The following DPH6 variants were observed in gnomAD, a reference collection of about 807,000 sequenced individuals.
The protein encoded by DPH6 is diphthamine biosynthesis 6.
DPH6 carries 33 observed loss-of-function variants against 38.2 expected under a neutral mutation model. The ratio of observed to expected loss-of-function variants is 0.86; its 90% CI spans 0.65 to 1.15. The LOEUF is 1.15. Ranked by LOEUF, DPH6 falls within the 50% of genes most tolerant of loss-of-function variation. DPH6 has a pLI of 0.00. For synonymous variants in DPH6, 108 were observed against 103.0 expected, an observed-to-expected ratio of 1.05 and a Z score of -0.30; for missense variants, 325 against 320.0, an observed-to-expected ratio of 1.02 and a Z score of -0.12.
chr15:35,338,150 G>A (rs904190156), intron 3 of DPH6, among the ~76,000 whole-genome samples: 2 of 152,126 alleles, frequency 1.3e-5, no homozygotes, highest in African/African-American at 2.4e-5. Flanking sequence ...AACACCAAAA[G>A]CAATGGCAAC....
In DPH6 at chr15:35,415,210, C is replaced by T. The variant is rs531921539; in HGVS notation, c.506-4314G>A. 7.9e-4 allele frequency among the ~76,000 whole-genome samples: 120 copies of T among 152,082 alleles called. No homozygotes were observed. In the Middle Eastern group the frequency reaches 0.01, roughly 13 times the overall value. On this transcript the variant is annotated intron_variant, in intron 5 of 8. Coordinates refer to ENST00000256538, the MANE Select transcript of DPH6 (RefSeq NM_080650.4). Reference sequence around the variant, plus strand: ...AATCCAAAGCATGAATATACAAGGTCAGCATGGCTGGAAGTCACTTTTTAG... The same window carrying T: ...AATCCAAAGCATGAATATACAAGGTTAGCATGGCTGGAAGTCACTTTTTAG...
downstream of DPH6, among the ~76,000 whole-genome samples, chr15:35,366,331 C>A (rs71466812): frequency 6.6e-6 from 1 of 151,000 alleles, no homozygotes; most frequent in Non-Finnish European, 1.5e-5. Flanking sequence ...GATTTCAATC[C>A]CCCATTGTGA....
chr15:35,466,203 A>C (rs1312167521), intron 3 of DPH6, among the ~76,000 whole-genome samples: 1 of 152,278 alleles, frequency 6.6e-6, no homozygotes, highest in African/African-American at 2.4e-5. Context: ...TCTCAAAAAA[A>C]TTAAAATTAA....
At chr15:35,399,166 A>G (rs1162432881) in intron 6 of DPH6, among the ~76,000 whole-genome samples, 1 of 152,162 alleles carries the variant, frequency 6.6e-6, no homozygotes, top group Non-Finnish European at 1.5e-5. Context: ...TATGCATGGG[A>G]GAAGAAAATC....
chr15:35,481,507 T>G (rs1256836676), intron 3 of DPH6, among the ~76,000 whole-genome samples: 1 of 152,098 alleles, frequency 6.6e-6, no homozygotes, highest in African/African-American at 2.4e-5. Context: ...AACAAAACAA[T>G]GTGAGATATC....
intron 3 of DPH6, among the ~76,000 whole-genome samples, chr15:35,529,401 AC>A (rs2055053675): frequency 6.6e-6 from 1 of 152,086 alleles, no homozygotes; most frequent in African/African-American, 2.4e-5. Context: ...GGGGAAGCCC[AC>A]CCCATGATTT....
chr15:35,440,444 A>T (rs1378035027), intron 5 of DPH6, among the ~76,000 whole-genome samples: 1 of 152,178 alleles, frequency 6.6e-6, no homozygotes, highest in East Asian at 1.9e-4. Flanking sequence ...ATCGAACTCC[A>T]AACAGTCATG....
chr15:35,324,393 C>T (rs969618025), intron 3 of DPH6, among the ~76,000 whole-genome samples: 1 of 151,990 alleles, frequency 6.6e-6, no homozygotes, highest in African/African-American at 2.4e-5. Flanking sequence ...TTCTTAAACT[C>T]AACAAAAATA....
the DPH6 span, among the ~76,000 whole-genome samples, chr15:35,189,503 C>A: frequency 6.6e-6 from 1 of 152,158 alleles, no homozygotes; most frequent in Non-Finnish European, 1.5e-5. Context: ...TGATTTAAGA[C>A]CCTGGAAAAT....
chr15:35,413,014 CAACA>C (rs1457653046), intron 5 of DPH6, among the ~76,000 whole-genome samples: 1 of 133,784 alleles, frequency 7.5e-6, no homozygotes, highest in Non-Finnish European at 1.7e-5. Flanking sequence ...ATTGTAAGTT[CAACA>C]ATTTTAACAA....
chr15:35,245,435 T>G (rs1009392254), intron 3 of DPH6, among the ~76,000 whole-genome samples: 4 of 152,134 alleles, frequency 2.6e-5, no homozygotes, highest in Non-Finnish European at 5.9e-5. Context: ...AGATGGGGTT[T>G]CACTGTGTTA....
chr15:35,436,642 G>A (rs904614133), intron 5 of DPH6, among the ~76,000 whole-genome samples: 3 of 151,748 alleles, frequency 2.0e-5, no homozygotes, highest in African/African-American at 4.8e-5. Context: ...GAGGTTTCTT[G>A]CTCAGGCACC....
At chr15:35,178,387 T>G in the DPH6 span, among the ~76,000 whole-genome samples, 5 of 152,176 alleles carry the variant, frequency 3.3e-5, no homozygotes, top group Non-Finnish European at 5.9e-5. Flanking sequence ...AGCAAAGTCA[T>G]GTCTTACATG....
Position 35,371,886 on chromosome 15 carries a change from T to G in DPH6, c.*264A>C. On this transcript the variant is annotated 3_prime_UTR_variant, in exon 9 of 9. Transcript: ENST00000256538. Reference sequence around the variant, plus strand: ...ACAGAAATGGGGTTTATAGATGAAATAAAAGAAAAAAAAGGTCATAGGGAA... The same window carrying G: ...ACAGAAATGGGGTTTATAGATGAAAGAAAAGAAAAAAAAGGTCATAGGGAA... 1 of 1,120,862 alleles carries G rather than the reference T, an allele frequency of 8.9e-7. No individual in the cohort carries two copies. The highest frequency in any genetic ancestry group is 1.1e-6 in the Non-Finnish European group (1 of 913,636). The allele number at this position is 1,120,862 out of a possible 1,614,324, so 69.4% of individuals were successfully genotyped here.
Position 35,453,660 on chromosome 15 carries a change from C to T in DPH6, c.386+1087G>A, listed in dbSNP as rs140396732. Reference sequence around the variant, plus strand: ...CATCCATCGTCCAGAGATTCTGATACACCTCTAAAATGTAAGATCATATTT... The same window carrying T: ...CATCCATCGTCCAGAGATTCTGATATACCTCTAAAATGTAAGATCATATTT... On this transcript the variant is annotated intron_variant, in intron 4 of 8. Coordinates refer to ENST00000256538, the MANE Select transcript of DPH6 (RefSeq NM_080650.4). Among the ~76,000 whole-genome samples, 55 of 152,258 alleles carry T rather than the reference C, an allele frequency of 3.6e-4. 1 individual carries two copies. In the East Asian group the frequency reaches 0.01, roughly 29 times the overall value.
chr15:35,502,760 T>C (rs1030679150), intron 3 of DPH6, among the ~76,000 whole-genome samples: 1 of 151,540 alleles, frequency 6.6e-6, no homozygotes. Flanking sequence ...ATTTAACTTA[T>C]TTGTTAAGAT....
intron 3 of DPH6, among the ~76,000 whole-genome samples, chr15:35,524,693 G>A (rs573922432): frequency 6.6e-6 from 1 of 152,210 alleles, no homozygotes; most frequent in Admixed American, 6.5e-5. Context: ...TAGAATATAT[G>A]TGTATAGAGC....
chr15:35,367,563 T>TG (rs1477981066), downstream of DPH6, among the ~76,000 whole-genome samples: 1 of 151,866 alleles, frequency 6.6e-6, no homozygotes, highest in Non-Finnish European at 1.5e-5. Context: ...GCAATAAAGT[T>TG]GGGGCCCCAA....
chr15:35,355,220 G>T (rs1010186498), intron 3 of DPH6, among the ~76,000 whole-genome samples: 1 of 152,108 alleles, frequency 6.6e-6, no homozygotes, highest in Non-Finnish European at 1.5e-5. Flanking sequence ...GCACACTGAT[G>T]GGTCTTGACT....
Sources: allele counts gnomAD v4.1 joint callset (sites outside exome capture counted in the v4.1 genomes callset), GRCh38; gene constraint gnomAD v4.1.1; transcripts MANE v1.5; gene names NCBI Gene and HGNC (gene_info 2026-07-23, HGNC 2026-07-21).